SORT1: variants seen among roughly 807,000 people sequenced by gnomAD.
SORT1 encodes the protein sortilin.
Under a neutral mutation model 101.7 loss-of-function variants are expected in SORT1, and 39 were observed. That is an observed-to-expected ratio of 0.38 (90% CI 0.30 to 0.50). The LOEUF (loss-of-function observed/expected upper bound fraction) is 0.50. Ranked by LOEUF, SORT1 falls within the 20% of genes least tolerant of loss-of-function variation. The pLI is 0.90. For missense variants in SORT1, 878 were observed against 1,040.4 expected, an observed-to-expected ratio of 0.84 and a Z score of 2.15; for synonymous variants, 396 against 393.7, an observed-to-expected ratio of 1.01 and a Z score of -0.07.
At chr1:109,392,757 T>C (rs1364885813) in intron 1 of SORT1, 1 of 984,668 alleles carries the variant, frequency 1.0e-6, no homozygotes, top group Non-Finnish European at 1.2e-6. Flanking sequence ...TAAGTCATTT[T>C]AACATCCCTC....
At chr1:109,346,668 C>T (rs1462640940) in intron 7 of SORT1, among the ~76,000 whole-genome samples, 1 of 150,832 alleles carries the variant, frequency 6.6e-6, no homozygotes, top group East Asian at 2.0e-4. Flanking sequence ...TGGTGTAAAC[C>T]CAGGAGGCGG....
intron 1 of SORT1, among the ~76,000 whole-genome samples, chr1:109,386,649 C>T (rs1652587134): frequency 6.6e-6 from 1 of 152,160 alleles, no homozygotes; most frequent in Non-Finnish European, 1.5e-5. Context: ...GCCCAGGAAT[C>T]CCAGACCAGC....
chr1:109,332,852 C>T (rs1318603321), intron 11 of SORT1, among the ~76,000 whole-genome samples: 1 of 152,124 alleles, frequency 6.6e-6, no homozygotes, highest in Admixed American at 6.5e-5. Flanking sequence ...CAAGAACACA[C>T]AATGTGAAAA....
At chr1:109,335,813 C>A (rs569688645) in intron 11 of SORT1, among the ~76,000 whole-genome samples, 1 of 152,266 alleles carries the variant, frequency 6.6e-6, no homozygotes, top group African/African-American at 2.4e-5. Flanking sequence ...GCCATGGGAG[C>A]CTAGGCAGAG....
intron 13 of SORT1, among the ~76,000 whole-genome samples, chr1:109,325,978 G>A (rs1330404087): frequency 6.6e-6 from 1 of 151,862 alleles, no homozygotes; most frequent in African/African-American, 2.4e-5. Context: ...TCCAGCCTGG[G>A]TGACAAGAGC....
intron 1 of SORT1, among the ~76,000 whole-genome samples, chr1:109,395,579 A>G (rs1293010511): frequency 6.6e-6 from 1 of 152,196 alleles, no homozygotes; most frequent in Non-Finnish European, 1.5e-5. Context: ...AAACTAAAAA[A>G]AAATTATTGC....
intron 3 of SORT1, among the ~76,000 whole-genome samples, chr1:109,356,955 C>T (rs551513207): frequency 6.6e-6 from 1 of 152,280 alleles, no homozygotes; most frequent in Non-Finnish European, 1.5e-5. Flanking sequence ...AATTTCTGCA[C>T]ACAGATAAAT....
intron 4 of SORT1, among the ~76,000 whole-genome samples, chr1:109,355,094 G>A (rs997651473): frequency 2.6e-5 from 4 of 152,062 alleles, no homozygotes; most frequent in Admixed American, 6.6e-5. Flanking sequence ...GGTGGCAAGA[G>A]CCTGTAGTCC....
intron 3 of SORT1, among the ~76,000 whole-genome samples, chr1:109,362,682 G>A (rs1198453426): frequency 6.6e-6 from 1 of 151,916 alleles, no homozygotes; most frequent in Non-Finnish European, 1.5e-5. Flanking sequence ...TTAATCAGAA[G>A]GAACATGAAT....
At position 109,327,094 on chromosome 1, in the gene SORT1, G is replaced by C. The variant is rs1195257340; in HGVS notation, c.1541C>G (p.Ser514Cys). The C allele has an allele frequency of 6.2e-7, 1 of 1,613,380 alleles. No individual in the cohort carries two copies. The highest frequency in any genetic ancestry group is 1.3e-5 in the African/African-American group (1 of 74,866). ...DVYISDDGGY[S>C]WTKMLEGPHY... ...GGGTCCTTCCAGCATCTTTGTCCAG[G>C]AGTAACCCCCATCATCTGAGATGTA... Residue 514 changes from serine to cysteine, a missense_variant, in exon 13 of 20, where the codon TCC (serine) becomes TGC (cysteine). This residue lies in a region of SORT1 where 684 missense variants were observed against 894.5 expected (regional missense o/e 0.76). Coordinates refer to ENST00000256637, the MANE Select transcript of SORT1 (RefSeq NM_002959.7).
Position 109,311,035 on chromosome 1 carries a change from T to C in SORT1, c.*3008A>G, listed in dbSNP as rs189103469. On this transcript the variant is annotated 3_prime_UTR_variant, in exon 20 of 20. Transcript: ENST00000256637. ...TTCTACGTTCCAGTTACGGCTGATC[T>C]ATGGACTCTCCTGAGCCCGCCCCCA... 2.6e-5 allele frequency: 4 copies of C among 152,354 alleles called. No individual in the cohort carries two copies. The East Asian group carries it at 7.7e-4, about 29-fold the overall frequency. 9.4% of individuals were successfully genotyped at this position (152,354 alleles called of 1,614,324 possible). A position where few individuals can be genotyped will look rare whatever the true frequency, so the allele number is the denominator to read the frequency against.
chr1:109,341,866 G>A, intron 9 of SORT1, 148 bp downstream of exon 9: 1 of 743,690 alleles, frequency 1.3e-6, no homozygotes, highest in Non-Finnish European at 2.3e-6. Context: ...ATTTTTAACA[G>A]GGGCTACAGA....
At chr1:109,351,959 G>A (rs1272199294) in intron 5 of SORT1, among the ~76,000 whole-genome samples, 3 of 120,886 alleles carry the variant, frequency 2.5e-5, no homozygotes, top group East Asian at 2.6e-4. Context: ...CAGGATGAGA[G>A]GTAGGGGTGT....
intron 15 of SORT1, among the ~76,000 whole-genome samples, chr1:109,319,640 C>T (rs963943345): frequency 3.3e-5 from 5 of 152,006 alleles, no homozygotes; most frequent in Non-Finnish European, 5.9e-5. Flanking sequence ...CCGAGGCAGG[C>T]GGATTACCTG....
At chr1:109,377,647 T>C (rs940944119) in intron 1 of SORT1, among the ~76,000 whole-genome samples, 7 of 152,194 alleles carry the variant, frequency 4.6e-5, no homozygotes, top group Admixed American at 6.5e-5. Flanking sequence ...CACGTCGAAG[T>C]GTTTAGAGGC....
chr1:109,334,142 T>C (rs1027846397), intron 11 of SORT1, among the ~76,000 whole-genome samples: 1 of 151,988 alleles, frequency 6.6e-6, no homozygotes, highest in Non-Finnish European at 1.5e-5. Context: ...CAAGACTGTG[T>C]CTTTAAAAAA....
intron 3 of SORT1, among the ~76,000 whole-genome samples, chr1:109,358,467 A>G (rs1650476612): frequency 6.6e-6 from 1 of 152,204 alleles, no homozygotes; most frequent in Non-Finnish European, 1.5e-5. Context: ...TGATAAATCT[A>G]ATTTTCAAAT....
rs556508437 is a variant in SORT1 at position 109,340,705 on chromosome 1, C to A, written c.1264+19G>T. 1.3e-5 allele frequency: 21 copies of A among 1,613,678 alleles called. No individual in the cohort carries two copies. Among genetic ancestry groups the A allele is most frequent in the Middle Eastern group, 1.7e-4 (1 of 5,992 alleles). On this transcript the variant is annotated intron_variant, in intron 10 of 19. Transcript: ENST00000256637. ...ATGCAGCTGAAGGCACAGTACACCACTGCGATGCCGAGACTCACCTTCGGA... is the reference window on the plus strand; with the variant it reads ...ATGCAGCTGAAGGCACAGTACACCAATGCGATGCCGAGACTCACCTTCGGA...
intron 4 of SORT1, 115 bp downstream of exon 4, chr1:109,355,252 C>A: frequency 3.0e-6 from 2 of 668,062 alleles, no homozygotes; most frequent in Non-Finnish European, 5.3e-6. Flanking sequence ...ATAAATATAG[C>A]AATACTAAAC....
Sources: gnomAD v4.1 joint callset for allele counts (sites outside exome capture counted in the v4.1 genomes callset) on GRCh38, gnomAD v4.1.1 for gene constraint, gnomAD v4.1.1 regional missense constraint, MANE v1.5 for transcripts, NCBI Gene and HGNC (gene_info 2026-07-23, HGNC 2026-07-21) for gene names.